RNF6: variants seen among roughly 807,000 people sequenced by gnomAD.
RNF6 encodes the protein E3 ubiquitin-protein ligase RNF6.
Under a neutral mutation model 50.1 loss-of-function variants are expected in RNF6, and 21 were observed. The ratio of observed to expected loss-of-function variants is 0.42; its 90% CI spans 0.30 to 0.60. The LOEUF (loss-of-function observed/expected upper bound fraction) is 0.60. Among genes scored for constraint, RNF6 ranks in the 20% least tolerant of loss-of-function variants. The pLI, the probability that RNF6 is intolerant of heterozygous loss-of-function variation, is 0.20. For missense variants in RNF6, 698 were observed against 838.2 expected (o/e 0.83, Z 2.07); for synonymous variants, 255 against 291.8 (o/e 0.87, Z 1.29).
chr13:26,203,947 G>C (rs572732571), intron 5 of RNF6, among the ~76,000 whole-genome samples: 28 of 150,492 alleles, frequency 1.9e-4, no homozygotes, highest in Admixed American at 2.7e-4. Flanking sequence ...AGCGAGACTC[G>C]GTCTCAAACA....
In RNF6 at chr13:26,214,681, G is replaced by A; in HGVS notation, c.1201C>T (p.Leu401Phe). ...CCAGGACGGATCCTTCTCACTTGAA[G>A]GTCCAGTGTGATTGTTGGATGTCGT... is the stretch of plus-strand genomic sequence containing the variant. ...VRRHPTITLD[L>F]QVRRIRPGEN... The change falls in exon 5 of 5, where the codon CTT becomes TTT. Residue 401 changes from leucine to phenylalanine, a missense_variant. Coordinates refer to ENST00000381588, the MANE Select transcript of RNF6 (RefSeq NM_005977.4). 6.2e-7 allele frequency: 1 copy of A among 1,614,204 alleles called. No homozygotes were observed.
intron 5 of RNF6, among the ~76,000 whole-genome samples, chr13:26,197,849 C>A (rs1242493850): frequency 2.0e-5 from 3 of 151,766 alleles, no homozygotes; most frequent in Non-Finnish European, 4.4e-5. Flanking sequence ...CATGGTGAAA[C>A]CCCGTCTGTT....
intron 5 of RNF6, among the ~76,000 whole-genome samples, chr13:26,167,987 C>T (rs1038710573): frequency 5.3e-5 from 8 of 152,034 alleles, no homozygotes; most frequent in Admixed American, 1.3e-4. Context: ...CAAGTGGGAG[C>T]TAAATGATGA....
intron 5 of RNF6, among the ~76,000 whole-genome samples, chr13:26,190,166 A>G (rs758205849): frequency 1.3e-5 from 2 of 152,118 alleles, no homozygotes; most frequent in Non-Finnish European, 2.9e-5. Context: ...AAAGCCAGCA[A>G]TGTTGCATCT....
At chr13:26,153,721 C>T (rs143556356) in intron 5 of RNF6, among the ~76,000 whole-genome samples, 4,338 of 152,174 alleles carry the variant, frequency 0.029, 99 homozygotes, top group Middle Eastern at 0.088. Context: ...AACTACTATT[C>T]GGACTTCCTT....
chr13:26,160,538 CTTCTTCTT>C (rs1566414103), intron 5 of RNF6, among the ~76,000 whole-genome samples: 150 of 52,754 alleles, frequency 2.8e-3, no homozygotes, highest in African/African-American at 7.9e-3. Context: ...TTCTTCTCTT[CTTCTTCTT>C]TTTTTTTTTT....
At chr13:26,163,174 C>T (rs377615629) in intron 5 of RNF6, among the ~76,000 whole-genome samples, 3 of 152,022 alleles carry the variant, frequency 2.0e-5, no homozygotes, top group East Asian at 1.9e-4. Flanking sequence ...TAGCCGGGCG[C>T]GGTGGCGGGT....
chr13:26,208,001 T>C (rs546927276), downstream of RNF6, among the ~76,000 whole-genome samples: 3 of 152,208 alleles, frequency 2.0e-5, no homozygotes, highest in Non-Finnish European at 4.4e-5. Flanking sequence ...GAATTTGAGG[T>C]TCCAAAGGGA....
chr13:26,177,816 C>T (rs1271019985), intron 5 of RNF6, among the ~76,000 whole-genome samples: 1 of 152,222 alleles, frequency 6.6e-6, no homozygotes, highest in Non-Finnish European at 1.5e-5. Flanking sequence ...GCAAGAGCCT[C>T]CCAGCTCTAG....
chr13:26,207,254 A>C (rs1869148621), intron 5 of RNF6, among the ~76,000 whole-genome samples: 1 of 152,100 alleles, frequency 6.6e-6, no homozygotes, highest in Non-Finnish European at 1.5e-5. Flanking sequence ...TATGAAAGGC[A>C]AGATGAGATA....
intron 5 of RNF6, among the ~76,000 whole-genome samples, chr13:26,148,771 TC>T (rs946558861): frequency 6.8e-6 from 1 of 148,048 alleles, no homozygotes; most frequent in African/African-American, 2.5e-5. Context: ...AGCTGGCAAA[TC>T]CCCAGATCTG....
intron 5 of RNF6, among the ~76,000 whole-genome samples, chr13:26,189,080 G>A (rs900704374): frequency 2.4e-4 from 37 of 152,188 alleles, no homozygotes; most frequent in African/African-American, 8.4e-4. Flanking sequence ...CGTAATCCCA[G>A]CACTTTGGGA....
chr13:26,146,859 G>A (rs1422602548), intron 5 of RNF6, among the ~76,000 whole-genome samples: 1 of 152,120 alleles, frequency 6.6e-6, no homozygotes, highest in African/African-American at 2.4e-5. Flanking sequence ...GAGGCTTGAT[G>A]GTAGGTGACT....
At chr13:26,153,172 A>G (rs1453602762) in intron 5 of RNF6, among the ~76,000 whole-genome samples, 3 of 146,274 alleles carry the variant, frequency 2.1e-5, no homozygotes, top group Admixed American at 2.0e-4. Flanking sequence ...AAAAAAAAAG[A>G]AAAGACTAAA....
At chr13:26,203,042 G>T (rs983716898) in intron 5 of RNF6, among the ~76,000 whole-genome samples, 1 of 152,232 alleles carries the variant, frequency 6.6e-6, no homozygotes, top group Non-Finnish European at 1.5e-5. Flanking sequence ...TGGAAAAACA[G>T]ACGACCAGAA....
chr13:26,155,106 T>C (rs1871844199), intron 5 of RNF6, among the ~76,000 whole-genome samples: 3 of 151,978 alleles, frequency 2.0e-5, no homozygotes, highest in African/African-American at 7.2e-5. Context: ...GAGACATCAA[T>C]TCTTCTCCCT....
intron 5 of RNF6, among the ~76,000 whole-genome samples, chr13:26,186,646 G>T (rs1873550727): frequency 6.6e-6 from 1 of 152,282 alleles, no homozygotes; most frequent in African/African-American, 2.4e-5. Flanking sequence ...AGCTCTCACA[G>T]GGCCCGCAGC....
chr13:26,148,484 A>G (rs1871367497), intron 5 of RNF6, among the ~76,000 whole-genome samples: 1 of 151,300 alleles, frequency 6.6e-6, no homozygotes, highest in African/African-American at 2.4e-5. Context: ...TTTTAAATCT[A>G]ATCATATTAT....
At chr13:26,139,239 G>T (rs1038162051) in intron 5 of RNF6, among the ~76,000 whole-genome samples, 2 of 151,940 alleles carry the variant, frequency 1.3e-5, no homozygotes, top group East Asian at 3.9e-4. Flanking sequence ...CAGAGTCAGG[G>T]ACCAGGCAAC....
Sources: gnomAD v4.1 joint callset for allele counts (sites outside exome capture counted in the v4.1 genomes callset) on GRCh38, gnomAD v4.1.1 for gene constraint, MANE v1.5 for transcripts, NCBI Gene and HGNC (gene_info 2026-07-23, HGNC 2026-07-21) for gene names.